The following TREM1 variants were observed in gnomAD, a reference collection of about 807,000 sequenced individuals.
The protein encoded by TREM1 is triggering receptor expressed on monocytes 1.
TREM1 carries 16 observed loss-of-function variants against 22.4 expected under a neutral mutation model. The ratio of observed to expected loss-of-function variants is 0.71; its 90% CI spans 0.48 to 1.08. TREM1 has a LOEUF of 1.08. TREM1 is among the 50% of genes least tolerant of loss of function. The probability of loss-of-function intolerance (pLI) is 0.00; values close to 1 mark genes in which losing one functional copy is unlikely to be tolerated. For synonymous variants in TREM1, 110 were observed against 111.6 expected, an observed-to-expected ratio of 0.99 and a Z score of 0.09; for missense variants, 283 against 282.9, an observed-to-expected ratio of 1.00 and a Z score of 0.00.
In TREM1 at chr6:41,275,924, G is replaced by A. The variant is rs1298413278; in HGVS notation, c.*201C>T. 4 of 584,294 alleles carry A rather than the reference G, an allele frequency of 6.8e-6. No homozygotes were observed. The African/African-American group carries it at 7.5e-5, about 11-fold the overall frequency. The allele number at this position is 584,294 out of a possible 1,614,324, so 36.2% of individuals were successfully genotyped here. ...TTTGGGGCTGTAACTTCTTTTCTGA[G>A]GCACAAATGCCCACCCAAGATTATT... On this transcript the variant is annotated 3_prime_UTR_variant, in exon 4 of 4. Coordinates refer to ENST00000244709, the MANE Select transcript of TREM1 (RefSeq NM_018643.5).
chr6:41,270,660 A>C (rs1162683114), downstream of TREM1, among the ~76,000 whole-genome samples: 2 of 151,994 alleles, frequency 1.3e-5, no homozygotes, highest in African/African-American at 2.4e-5. Context: ...TTTCTATTCC[A>C]CATATGGTGG....
In TREM1 at chr6:41,282,691, A is replaced by G. The variant is rs1312170271; in HGVS notation, c.110T>C (p.Leu37Pro). The G allele has an allele frequency of 1.1e-5, 18 of 1,614,154 alleles. No homozygotes were observed. The highest frequency in any genetic ancestry group is 1.5e-5 in the Non-Finnish European group (18 of 1,180,016). ...TAGCGTGTAGTCACATTTCACATCC[A>G]GGGTCTGCCCCTCTTTCAGTTCATA... ...EKYELKEGQT[L>P]DVKCDYTLEK... Residue 37 changes from leucine to proline, a missense_variant, in exon 2 of 4, where the codon CTG (leucine) becomes CCG (proline). Physicochemically the swap from Leu to Pro is moderately conservative, Grantham distance 98. Coordinates refer to ENST00000244709, the MANE Select transcript of TREM1 (RefSeq NM_018643.5).
Position 41,282,419 on chromosome 6 carries a change from G to T in TREM1, c.382C>A (p.Arg128Ser). ...CCCTTGGTCACCACCAAGCGGATGCGATCGAACAGCATGTGAGGCTCCTTG... is the reference window on the plus strand; with the variant it reads ...CCCTTGGTCACCACCAAGCGGATGCTATCGAACAGCATGTGAGGCTCCTTG... ...PPKEPHMLFD[R>S]IRLVVTKGFS... The change falls in exon 2 of 4, where the codon CGC becomes AGC. Residue 128 changes from arginine to serine, a missense_variant. Physicochemically the swap from Arg to Ser is moderately radical, Grantham distance 110 (BLOSUM62 -1). Transcript: ENST00000244709. 1 of 1,612,940 alleles carries T rather than the reference G, an allele frequency of 6.2e-7. No individual in the cohort carries two copies. Among genetic ancestry groups the T allele is most frequent in the South Asian group, 1.1e-5 (1 of 90,974 alleles).
At chr6:41,270,479 A>ATATATATC (rs1767452141), downstream of TREM1, among the ~76,000 whole-genome samples, 2 of 122,212 alleles carry the variant, frequency 1.6e-5, no homozygotes, top group Admixed American at 8.6e-5. Flanking sequence ...ATATATATAT[A>ATATATATC]TATCTTAGCA....
At chr6:41,268,102 C>A (rs1275651125) in intron 3 of TREM1, 1 of 398,436 alleles carries the variant, frequency 2.5e-6, no homozygotes, top group African/African-American at 2.1e-5. Context: ...CAAATTCAAG[C>A]GGGGGAAATG....
chr6:41,281,366 T>C, intron 2 of TREM1: 1 of 544,728 alleles, frequency 1.8e-6, no homozygotes, highest in South Asian at 3.0e-5. Flanking sequence ...GGAGTCAACC[T>C]GAGTCAGAAA....
chr6:41,284,295 C>T (rs563407129), intron 1 of TREM1, among the ~76,000 whole-genome samples: 2 of 152,130 alleles, frequency 1.3e-5, no homozygotes, highest in Non-Finnish European at 2.9e-5. Flanking sequence ...AGGACAGCCC[C>T]CACAACAAAG....
At chr6:41,280,892 T>G (rs1376294825) in intron 3 of TREM1, 69 bp downstream of exon 3, 1 of 1,610,584 alleles carries the variant, frequency 6.2e-7, no homozygotes, top group South Asian at 1.1e-5. Flanking sequence ...TCACATCCTC[T>G]CAGCACACAG....
Position 41,276,143 on chromosome 6 carries a change from C to T in TREM1, c.687G>A (p.Leu229=). The T allele has an allele frequency of 6.2e-7, 1 of 1,614,114 alleles. No individual in the cohort carries two copies. The highest frequency in any genetic ancestry group is 8.5e-7 in the Non-Finnish European group (1 of 1,179,994). ...LVFSVLFAVT[L]RSFVP is the part of the protein sequence containing the mutation. ...CGTGGGCCTAGGGTACAAATGACCTCAGCGTGACAGCAAACAGGACAGAGA... is the reference window on the plus strand; with the variant it reads ...CGTGGGCCTAGGGTACAAATGACCTTAGCGTGACAGCAAACAGGACAGAGA... The change falls in exon 4 of 4, where the codon CTG becomes CTA. Residue 229 remains leucine (L), a synonymous_variant. Coordinates refer to ENST00000244709, the MANE Select transcript of TREM1 (RefSeq NM_018643.5).
At chr6:41,284,318 C>A (rs569985401) in intron 1 of TREM1, among the ~76,000 whole-genome samples, 1 of 152,172 alleles carries the variant, frequency 6.6e-6, no homozygotes, top group Non-Finnish European at 1.5e-5. Context: ...TCATCCCACC[C>A]CAAATGTCAA....
downstream of TREM1, among the ~76,000 whole-genome samples, chr6:41,272,357 C>T (rs748665294): frequency 2.0e-5 from 3 of 152,178 alleles, no homozygotes; most frequent in Non-Finnish European, 4.4e-5. Context: ...CCCTACAACC[C>T]GCAAGCCTGC....
intron 3 of TREM1, 107 bp from the exon 4 acceptor site, chr6:41,276,337 T>C (rs1767670625): frequency 2.6e-6 from 2 of 782,956 alleles, no homozygotes; most frequent in Admixed American, 4.1e-5. Flanking sequence ...GCTTAGATCC[T>C]TGCTCCACCT....
intron 3 of TREM1, among the ~76,000 whole-genome samples, chr6:41,277,048 C>G (rs942363204): frequency 1.4e-5 from 2 of 148,140 alleles, no homozygotes; most frequent in African/African-American, 2.5e-5. Flanking sequence ...TAAATCTTCC[C>G]CCGGACTAAA....
rs1200900933 is a variant in TREM1, at chr6:41,275,279, G to T, written c.*846C>A. 1 of 152,178 alleles carries T rather than the reference G, an allele frequency of 6.6e-6. No homozygotes were observed. The highest frequency in any genetic ancestry group is 1.5e-5 in the Non-Finnish European group (1 of 68,064). 9.4% of individuals were successfully genotyped at this position (152,178 alleles called of 1,614,324 possible). A position where few individuals can be genotyped will look rare whatever the true frequency, so the allele number is the denominator to read the frequency against. On this transcript the variant is annotated 3_prime_UTR_variant, in exon 4 of 4. Transcript: ENST00000244709. ...TGTGATACAGGAAAAGAGGCATTTA[G>T]ACACAGGCGGAACTCCTGGTTATTC... is the stretch of plus-strand genomic sequence containing the variant.
chr6:41,281,405 C>T, intron 2 of TREM1: 1 of 497,148 alleles, frequency 2.0e-6, no homozygotes, highest in Non-Finnish European at 3.6e-6. Flanking sequence ...AAAAAAAGGG[C>T]AGGAAGTGAG....
Position 41,268,018 on chromosome 6 carries a change from C to CA in TREM1, c.669dup (p.Gly224TrpfsTer22). 2.5e-6 allele frequency: 1 copy of CA among 398,642 alleles called. No homozygotes were observed. The allele number at this position is 398,642 out of a possible 1,614,324, so 24.7% of individuals were successfully genotyped here. On this transcript the variant is annotated frameshift_variant, in exon 4 of 4. Coordinates refer to the TREM1 transcript ENST00000589614. LOFTEE classifies it high-confidence loss of function. ...AAGAACTGACTTATCCGAAAGTGCC[C>CA]AGTGTGCAGTGGTGGGAGAGGATGG...
rs555699948 is a variant in TREM1, at chr6:41,275,040, C to A, written c.*1085G>T. On this transcript the variant is annotated 3_prime_UTR_variant, in exon 4 of 4. Transcript: ENST00000244709. ...TTGAAATCTGTGGGAGATTGCAAGA[C>A]AATCTCCCACAGAGATTGTCTCTGT... 6.5e-4 allele frequency among the ~76,000 whole-genome samples: 99 copies of A among 151,774 alleles called. No homozygotes were observed. Among genetic ancestry groups the A allele is most frequent in the Non-Finnish European group, 8.8e-5 (6 of 67,890 alleles).
At chr6:41,277,435 G>A (rs536923025) in intron 3 of TREM1, among the ~76,000 whole-genome samples, 8 of 152,244 alleles carry the variant, frequency 5.3e-5, no homozygotes, top group South Asian at 4.1e-4. Flanking sequence ...ACATGGTGGC[G>A]CACTCAGCAT....
intron 3 of TREM1, 43 bp downstream of exon 3, chr6:41,280,918 G>A (rs908029852): frequency 1.2e-6 from 2 of 1,613,742 alleles, no homozygotes; most frequent in Non-Finnish European, 1.7e-6. Flanking sequence ...GAAACAAAGG[G>A]CTCAGTGTCC....
Sources: gnomAD v4.1 joint callset for allele counts (sites outside exome capture counted in the v4.1 genomes callset) on GRCh38, gnomAD v4.1.1 for gene constraint, MANE v1.5 for transcripts, NCBI Gene and HGNC (gene_info 2026-07-23, HGNC 2026-07-21) for gene names.